Variants in BSN observed in about 807,000 individuals in gnomAD.
BSN encodes the protein bassoon presynaptic cytomatrix protein, also known as protein bassoon.
BSN carries 57 observed loss-of-function variants against 264.8 expected under a neutral mutation model. The ratio of observed to expected loss-of-function variants is 0.22; its 90% CI spans 0.17 to 0.27. BSN has a LOEUF of 0.27. BSN is among the 10% of genes least tolerant of loss of function. The probability of loss-of-function intolerance (pLI) is 1.00; values close to 1 mark genes in which losing one functional copy is unlikely to be tolerated. For synonymous variants in BSN, 2,059 were observed against 2,137.3 expected (o/e 0.96, Z 1.01); for missense variants, 4,615 against 5,232.5 (o/e 0.88, Z 3.64).
In BSN at chr3:49,655,702, C is replaced by T. The variant is rs1206773104; in HGVS notation, c.6146C>T (p.Thr2049Ile). 2 of 1,613,558 alleles carry T rather than the reference C, an allele frequency of 1.2e-6. No homozygotes were observed. Among genetic ancestry groups the T allele is most frequent in the Admixed American group, 1.7e-5 (1 of 60,030 alleles). Residue 2049 changes from threonine (T) to isoleucine (I), a missense_variant, in exon 5 of 12, where the codon ACA (threonine) becomes ATA (isoleucine). Physicochemically the swap from Thr to Ile is moderately conservative, Grantham distance 89. Transcript: ENST00000296452. ...YGSVTDLRHPTDLLAHPLPMR... is the reference protein window; with the variant it reads ...YGSVTDLRHPIDLLAHPLPMR... Reference sequence around the variant, plus strand: ...TCAGTCACGGACCTGCGTCATCCTACAGACCTTTTGGCTCACCCGCTTCCC... The same window carrying T: ...TCAGTCACGGACCTGCGTCATCCTATAGACCTTTTGGCTCACCCGCTTCCC...
rs2052752639 is a variant in BSN at position 49,671,147 on chromosome 3, TGCGTGCGTGC to T, written c.*3664_*3673del. The T allele has an allele frequency of 5.9e-5, 3 of 51,138 alleles. No individual in the cohort carries two copies. Among genetic ancestry groups the T allele is most frequent in the East Asian group, 2.7e-3 (1 of 372 alleles). The allele number at this position is 51,138 out of a possible 1,614,324, so 3.2% of individuals were successfully genotyped here. On this transcript the variant is annotated 3_prime_UTR_variant, in exon 12 of 12. Transcript: ENST00000296452. This position sits in a 1 kb window ranked among gnomAD's most constrained non-coding sequence, Gnocchi z 4.1. Reference sequence around the variant, plus strand: ...GCACATGATCATGTGTGTATGTGCGTGCGTGCGTGCGTGTGTGTGTGTGTGTGTGTTTCTG... The same window carrying T: ...GCACATGATCATGTGTGTATGTGCGTGTGTGTGTGTGTGTGTGTGTTTCTG...
chr3:49,554,759 C>G lies in BSN; in HGVS notation c.157C>G (p.Arg53Gly). The G allele has an allele frequency of 8.1e-7, 1 of 1,228,188 alleles. No homozygotes were observed. The highest frequency in any genetic ancestry group is 1.0e-6 in the Non-Finnish European group (1 of 984,938). The allele number at this position is 1,228,188 out of a possible 1,614,324, so 76.1% of individuals were successfully genotyped here. A position where few individuals can be genotyped will look rare whatever the true frequency, so the allele number is the denominator to read the frequency against. Residue 53 changes from arginine to glycine, a missense_variant, in exon 1 of 12, where the codon CGG becomes GGG. Around this residue, in one of 3 missense-constraint regions of BSN, gnomAD observed 1,197 missense variants for 1,348.0 expected, o/e 0.89. Coordinates refer to ENST00000296452, the MANE Select transcript of BSN (RefSeq NM_003458.4). Reference sequence around the variant, plus strand: ...ACAGCTCCCCGCGGCGGGAGCAGCGCGGTCGACCGCGGTACCACCGGTCCC... The same window carrying G: ...ACAGCTCCCCGCGGCGGGAGCAGCGGGGTCGACCGCGGTACCACCGGTCCC... ...GGQLPAAGAA[R>G]STAVPPVPGP...
Position 49,652,757 on chromosome 3 carries a change from C to A in BSN, c.3201C>A (p.Ile1067=). ...TGCGGGAGGTGGAGCAGCAGCGCAT[C>A]CGCAGCACGGCCCGCAAGACCCGGC... ...EKMREVEQQR[I]RSTARKTRRD... is the part of the protein sequence containing the mutation. The change falls in exon 5 of 12, where the codon ATC becomes ATA. Residue 1067 remains isoleucine, a synonymous_variant. Transcript: ENST00000296452. The A allele has an allele frequency of 1.3e-6, 2 of 1,556,054 alleles. No individual in the cohort carries two copies. Among genetic ancestry groups the A allele is most frequent in the Non-Finnish European group, 1.7e-6 (2 of 1,151,596 alleles).
At chr3:49,589,358 A>G (rs942644526) in intron 1 of BSN, among the ~76,000 whole-genome samples, 6 of 151,528 alleles carry the variant, frequency 4.0e-5, no homozygotes, top group African/African-American at 7.3e-5. Context: ...TGAATTGTCT[A>G]TTTCTCCCTT....
rs1306520169 is a variant in BSN at position 49,605,971 on chromosome 3, A to G, written c.225-19004A>G. On this transcript the variant is annotated intron_variant, in intron 1 of 11. Coordinates refer to ENST00000296452, the MANE Select transcript of BSN (RefSeq NM_003458.4). ...TATATATAAATATATAATAAAATAT[A>G]TGTATTTATATAAATAAAAAATATA... Among the ~76,000 whole-genome samples, 4 of 83,284 alleles carry G rather than the reference A, an allele frequency of 4.8e-5. No individual in the cohort carries two copies. In the East Asian group the frequency reaches 1.0e-3, roughly 21 times the overall value. The allele number at this position is 83,284 out of a possible 152,430, so 54.6% of individuals were successfully genotyped here. A position where few individuals can be genotyped will look rare whatever the true frequency, so the allele number is the denominator to read the frequency against.
intron 1 of BSN, among the ~76,000 whole-genome samples, chr3:49,590,872 G>A (rs1055114733): frequency 1.3e-5 from 2 of 151,980 alleles, no homozygotes; most frequent in African/African-American, 2.4e-5. Flanking sequence ...TTGGGAGGCC[G>A]AGGTGGGTGG....
chr3:49,642,606 C>A lies in BSN; in HGVS notation c.972C>A (p.Ala324=), dbSNP rs1173095860. 6.2e-7 allele frequency: 1 copy of A among 1,603,600 alleles called. No homozygotes were observed. Among genetic ancestry groups the A allele is most frequent in the South Asian group, 1.1e-5 (1 of 90,158 alleles). Residue 324 remains alanine (A), a synonymous_variant, in exon 3 of 12, where the codon GCC becomes GCA. Coordinates refer to ENST00000296452, the MANE Select transcript of BSN (RefSeq NM_003458.4). The surrounding 1 kb of genome is among the most constrained non-coding windows in gnomAD (Gnocchi z 7.0). ...TAEPRPPAGE[A]PAKSATAVPA... ...AGCCCAGGCCACCTGCAGGAGAGGC[C>A]CCGGCCAAAAGTGCCACCGCAGTGC...
intron 1 of BSN, among the ~76,000 whole-genome samples, chr3:49,577,000 T>G (rs2051849148): frequency 1.3e-5 from 2 of 152,230 alleles, no homozygotes; most frequent in Admixed American, 1.3e-4. Flanking sequence ...TGTTTGGAAT[T>G]TGAAATTTTT....
chr3:49,619,389 AC>A (rs1000828221), intron 1 of BSN, among the ~76,000 whole-genome samples: 3 of 152,128 alleles, frequency 2.0e-5, no homozygotes, highest in African/African-American at 7.2e-5. Flanking sequence ...AATCCAAAGA[AC>A]CCAAACTGCA....
intron 1 of BSN, among the ~76,000 whole-genome samples, chr3:49,563,136 T>G (rs1468200773): frequency 6.6e-6 from 1 of 152,200 alleles, no homozygotes; most frequent in Non-Finnish European, 1.5e-5. Flanking sequence ...TGAAGAGGCT[T>G]GCTCTTCCAT....
In BSN at chr3:49,643,047, G is replaced by A; in HGVS notation, c.1413G>A (p.Glu471=). 1 of 1,614,056 alleles carries A rather than the reference G, an allele frequency of 6.2e-7. No homozygotes were observed. The highest frequency in any genetic ancestry group is 8.5e-7 in the Non-Finnish European group (1 of 1,180,042). The change falls in exon 3 of 12, where the codon GAG becomes GAA. Residue 471 remains glutamate, a synonymous_variant. Coordinates refer to ENST00000296452, the MANE Select transcript of BSN (RefSeq NM_003458.4). ...CCATCTGCCCACTGTGCCAAGCCGA[G>A]CTCAACGTGGGCAGCAAGAGCCCAG... ...ERAICPLCQA[E]LNVGSKSPAN... is the part of the protein sequence containing the mutation.
chr3:49,623,761 T>C (rs1179972907), intron 1 of BSN, among the ~76,000 whole-genome samples: 2 of 152,220 alleles, frequency 1.3e-5, no homozygotes, highest in Admixed American at 6.5e-5. Context: ...GAGATGGCAT[T>C]AACTAGGCAT....
Position 49,661,131 on chromosome 3 carries a change from C to T in BSN, c.9286C>T (p.Pro3096Ser). Reference protein sequence around the residue: ...PSTYPAPAFPPGASYPAEPGL... With the variant: ...PSTYPAPAFPSGASYPAEPGL... The stretch of plus-strand genomic sequence containing the variant: ...CACGTACCCAGCTCCTGCCTTTCCT[C>T]CTGGTGCCAGTTACCCAGCTGAGCC... Residue 3096 changes from proline to serine, a missense_variant, in exon 6 of 12, where the codon CCT (proline) becomes TCT (serine). Physicochemically the swap from Pro to Ser is moderately conservative, Grantham distance 74 (BLOSUM62 -1). Coordinates refer to ENST00000296452, the MANE Select transcript of BSN (RefSeq NM_003458.4). The T allele has an allele frequency of 6.2e-7, 1 of 1,612,970 alleles. No individual in the cohort carries two copies. Among genetic ancestry groups the T allele is most frequent in the Non-Finnish European group, 8.5e-7 (1 of 1,179,924 alleles).
In BSN at chr3:49,656,742, C is replaced by T. The variant is rs774693300; in HGVS notation, c.7186C>T (p.Arg2396Trp). 17 of 1,576,804 alleles carry T rather than the reference C, an allele frequency of 1.1e-5. No individual in the cohort carries two copies. Among genetic ancestry groups the T allele is most frequent in the Admixed American group, 1.9e-5 (1 of 53,414 alleles). ...ACTTCGGCTGCAAGAGGAGCTAGAG[C>T]GGGAACGTGTGGAGCTGCAGAGGCA... is the stretch of plus-strand genomic sequence containing the variant. Reference protein sequence around the residue: ...RQLRLQEELERERVELQRHRE... With the variant: ...RQLRLQEELEWERVELQRHRE... The change falls in exon 5 of 12, where the codon CGG becomes TGG. Residue 2396 changes from arginine (R) to tryptophan (W), a missense_variant. This residue lies in a region of BSN where 3,415 missense variants were observed against 3,866.4 expected (regional missense o/e 0.88). Transcript: ENST00000296452.
intron 1 of BSN, among the ~76,000 whole-genome samples, chr3:49,586,870 T>G (rs1295915173): frequency 6.6e-6 from 1 of 152,222 alleles, no homozygotes; most frequent in African/African-American, 2.4e-5. Flanking sequence ...TTCTTTTTGC[T>G]TAGGATAGCT....
chr3:49,621,300 G>GT (rs1358143236), intron 1 of BSN, among the ~76,000 whole-genome samples: 3 of 152,258 alleles, frequency 2.0e-5, no homozygotes, highest in East Asian at 3.9e-4. Flanking sequence ...CTGAGACTGG[G>GT]TAAGTCTTGA....
Position 49,663,004 on chromosome 3 carries a change from A to T in BSN, c.10846A>T (p.Ser3616Cys), listed in dbSNP as rs1197481536. ...CCAGAAGCGAGGCCCTGCCAGGCACAGCTACCATGACTACGATGAACCCCC... is the reference window on the plus strand; with the variant it reads ...CCAGAAGCGAGGCCCTGCCAGGCACTGCTACCATGACTACGATGAACCCCC... ...SSQKRGPARHSYHDYDEPPEE... is the reference protein window; with the variant it reads ...SSQKRGPARHCYHDYDEPPEE... Residue 3616 changes from serine (S) to cysteine (C), a missense_variant, in exon 7 of 12, where the codon AGC (serine) becomes TGC (cysteine). Coordinates refer to ENST00000296452, the MANE Select transcript of BSN (RefSeq NM_003458.4). The T allele has an allele frequency of 3.7e-6, 6 of 1,614,072 alleles. No homozygotes were observed. The Middle Eastern group carries it at 6.6e-4, about 178-fold the overall frequency.
chr3:49,605,399 T>G (rs1222165343), intron 1 of BSN, among the ~76,000 whole-genome samples: 1 of 52,726 alleles, frequency 1.9e-5, no homozygotes, highest in African/African-American at 7.8e-5. Context: ...ATTTTATATA[T>G]TTATATAATT....
In BSN at chr3:49,585,256, A is replaced by G. The variant is rs2051925573; in HGVS notation, c.224+30430A>G. Among the ~76,000 whole-genome samples, 1 of 151,810 alleles carries G rather than the reference A, an allele frequency of 6.6e-6. No individual in the cohort carries two copies. Among genetic ancestry groups the G allele is most frequent in the Admixed American group, 6.6e-5 (1 of 15,222 alleles). On this transcript the variant is annotated intron_variant, in intron 1 of 11. Transcript: ENST00000296452. The surrounding 1 kb of genome is among the most constrained non-coding windows in gnomAD (Gnocchi z 4.7). Reference sequence around the variant, plus strand: ...GAATTATTTTTGGTGTGTCTAGGTCAAGGAAAGAGGAGATCGTGGGTGGGG... The same window carrying G: ...GAATTATTTTTGGTGTGTCTAGGTCGAGGAAAGAGGAGATCGTGGGTGGGG...
Sources: gnomAD v4.1 joint callset for allele counts (sites outside exome capture counted in the v4.1 genomes callset) on GRCh38, gnomAD v4.1.1 for gene constraint, gnomAD v4.1.1 regional missense constraint, Gnocchi (gnomAD v3.1) non-coding constraint, MANE v1.5 for transcripts, NCBI Gene and HGNC (gene_info 2026-07-23, HGNC 2026-07-21) for gene names.